Variants in CACHD1 observed in about 807,000 individuals in gnomAD.
CACHD1 encodes the protein cache domain containing 1.
Under a neutral mutation model 138.7 loss-of-function variants are expected in CACHD1, and 71 were observed. The observed-to-expected ratio is 0.51, with a 90% CI of 0.42 to 0.62. CACHD1 has a LOEUF of 0.62. CACHD1 is among the 20% of genes least tolerant of loss of function. CACHD1 has a pLI of 0.00. For synonymous variants in CACHD1, 578 were observed against 591.5 expected, an observed-to-expected ratio of 0.98 and a Z score of 0.33; for missense variants, 1,389 against 1,625.3, an observed-to-expected ratio of 0.85 and a Z score of 2.50.
chr1:64,470,231 C>T lies in CACHD1; in HGVS notation c.-514C>T, dbSNP rs1317461660. Among the ~76,000 whole-genome samples the T allele has an allele frequency of 1.3e-5, 2 of 152,112 alleles. No individual in the cohort carries two copies. The highest frequency in any genetic ancestry group is 3.9e-4 in the East Asian group (2 of 5,154). On this transcript the variant is annotated 5_prime_UTR_variant, in exon 1 of 27. Transcript: ENST00000651257. The surrounding 1 kb of genome is among the most constrained non-coding windows in gnomAD (Gnocchi z 5.2). Reference sequence around the variant, plus strand: ...TTTCAGTTGTGTGGGTTTGTGAAGCCTCCCCTTTCCCTCCTCGCTCGGGTG... The same window carrying T: ...TTTCAGTTGTGTGGGTTTGTGAAGCTTCCCCTTTCCCTCCTCGCTCGGGTG...
chr1:64,521,565 A>G (rs1013047500), intron 1 of CACHD1, among the ~76,000 whole-genome samples: 2 of 152,244 alleles, frequency 1.3e-5, no homozygotes, highest in Admixed American at 1.3e-4. Context: ...ATTCATGACA[A>G]TACTATTCTA....
chr1:64,570,348 T>C (rs1257833784), intron 2 of CACHD1, among the ~76,000 whole-genome samples: 1 of 152,174 alleles, frequency 6.6e-6, no homozygotes, highest in African/African-American at 2.4e-5. Context: ...ATTAAAAGAC[T>C]CTGGGGAGGT....
At chr1:64,509,066 T>C (rs2100343175) in intron 1 of CACHD1, among the ~76,000 whole-genome samples, 1 of 152,308 alleles carries the variant, frequency 6.6e-6, no homozygotes, top group East Asian at 1.9e-4. Context: ...GAAAAAGCAA[T>C]AGGGCCACAG....
intron 11 of CACHD1, among the ~76,000 whole-genome samples, chr1:64,654,086 A>C (rs1649189021): frequency 6.6e-6 from 1 of 152,230 alleles, no homozygotes; most frequent in African/African-American, 2.4e-5. Flanking sequence ...TAGAACTATT[A>C]TTTGACGATA....
chr1:64,556,119 A>C (rs539947280), intron 2 of CACHD1, among the ~76,000 whole-genome samples: 1 of 152,172 alleles, frequency 6.6e-6, no homozygotes, highest in Non-Finnish European at 1.5e-5. Context: ...TCATTAAAGT[A>C]AAAGGTCAAG....
intron 3 of CACHD1, 123 bp from the exon 4 acceptor site, chr1:64,602,683 A>C: frequency 1.5e-6 from 1 of 656,296 alleles, no homozygotes. Context: ...TGAATATTTA[A>C]ATCTAAATCA....
In CACHD1 at chr1:64,517,277, A is replaced by G. The variant is rs181526490; in HGVS notation, c.199-33317A>G. Among the ~76,000 whole-genome samples the G allele has an allele frequency of 2.0e-5, 3 of 152,348 alleles. No individual in the cohort carries two copies. In the East Asian group the frequency reaches 5.8e-4, roughly 29 times the overall value. ...ACTAATTCATCAGTGATCAAAACAGACAAAAATCCATTTCTGCATGGAGGT... is the reference window on the plus strand; with the variant it reads ...ACTAATTCATCAGTGATCAAAACAGGCAAAAATCCATTTCTGCATGGAGGT... On this transcript the variant is annotated intron_variant, in intron 1 of 26. Coordinates refer to ENST00000651257, the MANE Select transcript of CACHD1 (RefSeq NM_020925.4).
At position 64,589,674 on chromosome 1, in the gene CACHD1, A is replaced by G. The variant is rs1409562941; in HGVS notation, c.410+7370A>G. On this transcript the variant is annotated intron_variant, in intron 3 of 26. Transcript: ENST00000651257. ...CTTACAGAACGTCTGTCATTGTTCT[A>G]CTAAGTCCTTCAATTGATGAGGCCC... 2.0e-5 allele frequency among the ~76,000 whole-genome samples: 3 copies of G among 152,100 alleles called. 1 individual carries two copies. The highest frequency in any genetic ancestry group is 2.0e-4 in the Admixed American group (3 of 15,270).
At chr1:64,653,677 G>A in intron 10 of CACHD1, 81 bp from the exon 11 acceptor site, 1 of 1,459,180 alleles carries the variant, frequency 6.9e-7, no homozygotes, top group Non-Finnish European at 9.4e-7. Flanking sequence ...CCAGCCCAGA[G>A]TACCCCATAT....
chr1:64,543,070 A>T (rs1364011237), intron 1 of CACHD1, among the ~76,000 whole-genome samples: 11 of 152,006 alleles, frequency 7.2e-5, no homozygotes, highest in Admixed American at 7.2e-4. Flanking sequence ...TTAACAATAA[A>T]TTTTTTATAT....
chr1:64,636,203 C>T (rs1391752357), intron 7 of CACHD1, among the ~76,000 whole-genome samples: 4 of 152,014 alleles, frequency 2.6e-5, no homozygotes, highest in Non-Finnish European at 5.9e-5. Flanking sequence ...ATTTCCAAGC[C>T]CTTCATTGTG....
At chr1:64,626,180 G>A (rs1321582402) in intron 4 of CACHD1, among the ~76,000 whole-genome samples, 1 of 152,180 alleles carries the variant, frequency 6.6e-6, no homozygotes, top group African/African-American at 2.4e-5. Context: ...CTTTATCTTT[G>A]CCTCATGCTT....
At chr1:64,478,160 C>T (rs1051989971) in intron 1 of CACHD1, among the ~76,000 whole-genome samples, 2 of 152,140 alleles carry the variant, frequency 1.3e-5, no homozygotes, top group African/African-American at 4.8e-5. Flanking sequence ...ATTGGTGACT[C>T]TCCTAGATTT....
intron 11 of CACHD1, among the ~76,000 whole-genome samples, chr1:64,654,354 A>G (rs1437329151): frequency 6.6e-6 from 1 of 152,166 alleles, no homozygotes; most frequent in African/African-American, 2.4e-5. Flanking sequence ...TCCAACTGTG[A>G]TACATTATTT....
At chr1:64,557,461 G>A (rs1646807202) in intron 2 of CACHD1, among the ~76,000 whole-genome samples, 2 of 152,106 alleles carry the variant, frequency 1.3e-5, no homozygotes, top group African/African-American at 4.8e-5. Flanking sequence ...TGGTTTTAGA[G>A]GATTTCAGAA....
intron 1 of CACHD1, among the ~76,000 whole-genome samples, chr1:64,480,856 A>T (rs1334868948): frequency 6.6e-6 from 1 of 150,508 alleles, no homozygotes; most frequent in East Asian, 1.9e-4. Context: ...CATTAAGGGG[A>T]TATGAAGTTG....
intron 1 of CACHD1, among the ~76,000 whole-genome samples, chr1:64,522,171 A>C (rs1019841596): frequency 1.3e-5 from 2 of 152,156 alleles, no homozygotes; most frequent in Admixed American, 6.5e-5. Context: ...TTACATGTGG[A>C]TATCCAATTG....
At chr1:64,574,069 T>C (rs1570380213) in intron 2 of CACHD1, among the ~76,000 whole-genome samples, 1 of 152,156 alleles carries the variant, frequency 6.6e-6, no homozygotes, top group Admixed American at 6.5e-5. Flanking sequence ...GAGGTTGAAA[T>C]TGGGCTGGAA....
intron 4 of CACHD1, among the ~76,000 whole-genome samples, chr1:64,619,467 G>C (rs1647830399): frequency 6.6e-6 from 1 of 152,188 alleles, no homozygotes; most frequent in Non-Finnish European, 1.5e-5. Flanking sequence ...GGAGGAAATA[G>C]AGCTTGTCAG....
Sources: allele counts gnomAD v4.1 joint callset (sites outside exome capture counted in the v4.1 genomes callset), GRCh38; gene constraint gnomAD v4.1.1; non-coding constraint Gnocchi (gnomAD v3.1); transcripts MANE v1.5; gene names NCBI Gene and HGNC (gene_info 2026-07-23, HGNC 2026-07-21).